Variants in SYCP2 observed in about 807,000 individuals in gnomAD.
SYCP2 encodes the protein synaptonemal complex protein 2, also known as synaptonemal complex lateral element protein.
Under a neutral mutation model 211.3 loss-of-function variants are expected in SYCP2, and 55 were observed. That is an observed-to-expected ratio of 0.26 (90% CI 0.21 to 0.33). The LOEUF is 0.33. SYCP2 is among the 10% of genes least tolerant of loss of function. SYCP2 has a pLI of 1.00. For synonymous variants in SYCP2, 570 were observed against 555.2 expected (o/e 1.03, Z -0.37); for missense variants, 1,731 against 1,752.0 (o/e 0.99, Z 0.21).
intron 26 of SYCP2, among the ~76,000 whole-genome samples, chr20:59,884,364 C>T (rs1168381901): frequency 6.6e-6 from 1 of 151,714 alleles, no homozygotes; most frequent in African/African-American, 2.4e-5. Flanking sequence ...ATATATTCAA[C>T]CAGATCTCAA....
In SYCP2 at chr20:59,911,833, A is replaced by C; in HGVS notation, c.889T>G (p.Ser297Ala). 6.4e-7 allele frequency: 1 copy of C among 1,570,762 alleles called. No individual in the cohort carries two copies. The highest frequency in any genetic ancestry group is 1.2e-5 in the South Asian group (1 of 85,336). Reference sequence around the variant, plus strand: ...CAAAATTCCTCAAGTTTTTCATCTGATGGTATTTGCAGCTAATAAAATAAA... The same window carrying C: ...CAAAATTCCTCAAGTTTTTCATCTGCTGGTATTTGCAGCTAATAAAATAAA... ...FLDKYELQIP[S>A]DEKLEEFWID... The change falls in exon 14 of 45, where the codon TCA becomes GCA. Residue 297 changes from serine (S) to alanine (A), a missense_variant. Coordinates refer to ENST00000357552, the MANE Select transcript of SYCP2 (RefSeq NM_014258.4).
intron 20 of SYCP2, among the ~76,000 whole-genome samples, chr20:59,893,796 C>T (rs142314619): frequency 1.3e-3 from 191 of 152,024 alleles, no homozygotes; most frequent in African/African-American, 4.3e-3. Context: ...TCACTGCAGA[C>T]GAGGCAGAAT....
intron 2 of SYCP2, among the ~76,000 whole-genome samples, chr20:59,927,143 A>T (rs1411265744): frequency 1.3e-5 from 2 of 152,160 alleles, no homozygotes; most frequent in Non-Finnish European, 2.9e-5. Context: ...ATTTGTTGAG[A>T]ATGTGTCTTT....
chr20:59,911,204 C>T (rs953943502), intron 14 of SYCP2, among the ~76,000 whole-genome samples: 13 of 152,070 alleles, frequency 8.5e-5, no homozygotes, highest in African/African-American at 3.1e-4. Context: ...GAAATAATGG[C>T]TCAAGGATTT....
At chr20:59,920,048 A>G (rs998174177) in intron 5 of SYCP2, among the ~76,000 whole-genome samples, 2 of 151,652 alleles carry the variant, frequency 1.3e-5, no homozygotes, top group African/African-American at 4.8e-5. Flanking sequence ...AATACCCTAC[A>G]TGCTAGCATG....
intron 24 of SYCP2, among the ~76,000 whole-genome samples, chr20:59,888,854 C>G (rs924322252): frequency 1.3e-5 from 2 of 151,852 alleles, no homozygotes; most frequent in African/African-American, 4.8e-5. Context: ...CAACAATGAA[C>G]AAGTGTAATC....
At chr20:59,867,454 TAAA>T (rs11476334) in intron 39 of SYCP2, among the ~76,000 whole-genome samples, 17 of 101,986 alleles carry the variant, frequency 1.7e-4, no homozygotes, top group African/African-American at 5.5e-4. Context: ...AACTGTCCAG[TAAA>T]AAAAAAAAAA....
intron 44 of SYCP2, 150 bp from the exon 45 acceptor site, chr20:59,864,538 C>T (rs2059292255): frequency 5.1e-6 from 3 of 583,258 alleles, no homozygotes; most frequent in African/African-American, 1.9e-5. Context: ...AACAGGTCTA[C>T]AGATATCCAC....
intron 26 of SYCP2, among the ~76,000 whole-genome samples, chr20:59,885,386 G>A (rs1239586532): frequency 6.6e-6 from 1 of 152,100 alleles, no homozygotes; most frequent in Admixed American, 6.6e-5. Flanking sequence ...ACAATCCAGA[G>A]ATTAGAAATC....
chr20:59,898,899 TTACAAAAGGGGAGAA>T (rs2060062875), intron 18 of SYCP2, among the ~76,000 whole-genome samples: 1 of 152,092 alleles, frequency 6.6e-6, no homozygotes, highest in South Asian at 2.1e-4. Context: ...GCAAACTACC[TTACAAAAGGGGAGAA>T]TACATACTAC....
chr20:59,916,432 G>T, intron 8 of SYCP2, 54 bp downstream of exon 8: 2 of 1,030,304 alleles, frequency 1.9e-6, no homozygotes, highest in South Asian at 1.4e-5. Context: ...AATTGCTATT[G>T]ATTTTCTTCA....
At chr20:59,929,387 A>G (rs2060692236) in intron 2 of SYCP2, among the ~76,000 whole-genome samples, 2 of 152,204 alleles carry the variant, frequency 1.3e-5, no homozygotes, top group Admixed American at 1.3e-4. Context: ...ATGACACAGT[A>G]GTTCCACTTC....
At position 59,865,436 on chromosome 20, in the gene SYCP2, C is replaced by T. The variant is rs1373743947; in HGVS notation, c.4467G>A (p.Leu1489=). ...GCAGCACTTTCATATCTTCTTTCAT[C>T]AAACACATCTGTAAAAAAGTAAATA... is the stretch of plus-strand genomic sequence containing the variant. ...EETVFTSEMC[L]MKEDMKVLQD... is the part of the protein sequence containing the mutation. Residue 1489 remains leucine (L), a synonymous_variant, in exon 44 of 45, where the codon TTG becomes TTA. Coordinates refer to ENST00000357552, the MANE Select transcript of SYCP2 (RefSeq NM_014258.4). 5.0e-6 allele frequency: 8 copies of T among 1,609,388 alleles called. No individual in the cohort carries two copies. The Admixed American group carries it at 8.4e-5, about 17-fold the overall frequency.
chr20:59,885,137 T>A (rs752687884), intron 26 of SYCP2: 2 of 152,074 alleles, frequency 1.3e-5, no homozygotes, highest in Non-Finnish European at 2.9e-5. Flanking sequence ...CAGTTAAACA[T>A]GACATGCCTA....
intron 2 of SYCP2, among the ~76,000 whole-genome samples, chr20:59,929,574 A>T (rs781211743): frequency 1.2e-4 from 19 of 152,208 alleles, no homozygotes; most frequent in Non-Finnish European, 2.6e-4. Context: ...ATAATGAAGA[A>T]GATCTGTATC....
At chr20:59,929,909 A>G (rs2060703452) in intron 2 of SYCP2, among the ~76,000 whole-genome samples, 2 of 152,128 alleles carry the variant, frequency 1.3e-5, no homozygotes, top group African/African-American at 2.4e-5. Flanking sequence ...GACTGAGAAT[A>G]CAATTGATTA....
intron 17 of SYCP2, 45 bp downstream of exon 17, chr20:59,900,699 T>A: frequency 3.4e-6 from 5 of 1,483,606 alleles, no homozygotes; most frequent in Non-Finnish European, 4.7e-6. Flanking sequence ...TTAGTTATGG[T>A]TAAACTTAGC....
In SYCP2 at chr20:59,924,633, G is replaced by A. The variant is rs544473724; in HGVS notation, c.-46-2174C>T. 5.3e-5 allele frequency among the ~76,000 whole-genome samples: 8 copies of A among 152,022 alleles called. No homozygotes were observed. In the East Asian group the frequency reaches 7.7e-4, roughly 15 times the overall value. Reference sequence around the variant, plus strand: ...TTAAAAAGAAAAAAGTTGGATTGTCGGGTAGGTTAATCATTTTTAAAACTA... The same window carrying A: ...TTAAAAAGAAAAAAGTTGGATTGTCAGGTAGGTTAATCATTTTTAAAACTA... On this transcript the variant is annotated intron_variant, in intron 2 of 44. Coordinates refer to ENST00000357552, the MANE Select transcript of SYCP2 (RefSeq NM_014258.4).
chr20:59,875,825 G>T (rs755469929), intron 33 of SYCP2, among the ~76,000 whole-genome samples: 3 of 152,050 alleles, frequency 2.0e-5, no homozygotes, highest in Non-Finnish European at 2.9e-5. Flanking sequence ...GACATACTGC[G>T]AATAGAGAAG....
Sources: gnomAD v4.1 joint callset for allele counts (sites outside exome capture counted in the v4.1 genomes callset) on GRCh38, gnomAD v4.1.1 for gene constraint, MANE v1.5 for transcripts, NCBI Gene and HGNC (gene_info 2026-07-23, HGNC 2026-07-21) for gene names.